C1QTNF3: variants seen among roughly 807,000 people sequenced by gnomAD.
C1QTNF3 encodes the protein complement C1q tumor necrosis factor-related protein 3.
A neutral mutation model predicts 32.6 loss-of-function variants in C1QTNF3; 26 were observed. The ratio of observed to expected loss-of-function variants is 0.80; its 90% CI spans 0.58 to 1.11. C1QTNF3 has a LOEUF of 1.11. Ranked by LOEUF, C1QTNF3 falls within the 50% of genes least tolerant of loss-of-function variation. C1QTNF3 has a pLI of 0.00. For synonymous variants in C1QTNF3, 155 were observed against 146.0 expected (o/e 1.06, Z -0.44); for missense variants, 362 against 398.2 (o/e 0.91, Z 0.77).
At chr5:34,111,947 A>C in the C1QTNF3 span, among the ~76,000 whole-genome samples, 14 of 152,204 alleles carry the variant, frequency 9.2e-5, no homozygotes, top group Non-Finnish European at 1.8e-4. Flanking sequence ...AGGGAGGCTG[A>C]GAAGTACAGT....
chr5:34,020,642 G>A lies in C1QTNF3; in HGVS notation c.901C>T (p.His301Tyr). 1 of 1,614,216 alleles carries A rather than the reference G, an allele frequency of 6.2e-7. No homozygotes were observed. Among genetic ancestry groups the A allele is most frequent in the Non-Finnish European group, 8.5e-7 (1 of 1,180,040 alleles). Residue 301 changes from histidine (H) to tyrosine (Y), a missense_variant, in exon 6 of 6, where the codon CAT becomes TAT. By Grantham distance (83) the His-to-Tyr change is moderately conservative. Transcript: ENST00000382065. ...VWLRMGNGAL[H>Y]GDHQRFSTFA... is the part of the protein sequence containing the mutation. ...GTGGAGAAGCGTTGGTGGTCCCCAT[G>A]GAGAGCGCCATTGCCCATTCGCAGC...
At chr5:34,175,060 T>C in the C1QTNF3 span, among the ~76,000 whole-genome samples, 1 of 147,350 alleles carries the variant, frequency 6.8e-6, no homozygotes, top group Non-Finnish European at 1.5e-5. Context: ...TTTTTTTTTT[T>C]TAAAGACAGG....
chr5:34,042,253 C>G (rs1754887470), intron 1 of C1QTNF3, among the ~76,000 whole-genome samples: 1 of 151,774 alleles, frequency 6.6e-6, no homozygotes, highest in South Asian at 2.1e-4. Context: ...TTTTATTTAA[C>G]TCTTTAATTC....
chr5:34,114,763 C>T, the C1QTNF3 span, among the ~76,000 whole-genome samples: 7 of 152,060 alleles, frequency 4.6e-5, no homozygotes, highest in East Asian at 1.9e-4. Context: ...TTGTGAGCAA[C>T]GTAAAATATT....
the C1QTNF3 span, among the ~76,000 whole-genome samples, chr5:34,226,047 A>G: frequency 1.4e-4 from 22 of 151,990 alleles, no homozygotes; most frequent in Non-Finnish European, 2.9e-4. Flanking sequence ...ACTTTGAAAA[A>G]TGGTAACAAA....
the C1QTNF3 span, among the ~76,000 whole-genome samples, chr5:34,137,356 A>G: frequency 6.6e-6 from 1 of 152,180 alleles, no homozygotes; most frequent in Non-Finnish European, 1.5e-5. Context: ...CAAAAGCTTC[A>G]ATAGTCATGA....
chr5:34,234,171 T>C, the C1QTNF3 span, among the ~76,000 whole-genome samples: 4 of 152,176 alleles, frequency 2.6e-5, no homozygotes, highest in Non-Finnish European at 4.4e-5. Flanking sequence ...GTTTACTGTA[T>C]TATAATGCTA....
At chr5:34,023,194 C>G (rs1754383679) in intron 5 of C1QTNF3, among the ~76,000 whole-genome samples, 1 of 152,144 alleles carries the variant, frequency 6.6e-6, no homozygotes. Flanking sequence ...CTTTCATCAG[C>G]CTGGCTTCCT....
At chr5:34,237,627 A>G in the C1QTNF3 span, among the ~76,000 whole-genome samples, 1 of 152,280 alleles carries the variant, frequency 6.6e-6, no homozygotes, top group Admixed American at 6.5e-5. Context: ...CAAATTATGG[A>G]GTAAACCACC....
chr5:34,112,306 A>G, the C1QTNF3 span, among the ~76,000 whole-genome samples: 10 of 152,154 alleles, frequency 6.6e-5, no homozygotes, highest in African/African-American at 2.4e-4. Context: ...CAACCCCTTT[A>G]TATCCCATAC....
the C1QTNF3 span, among the ~76,000 whole-genome samples, chr5:34,212,036 G>A: frequency 6.6e-6 from 1 of 152,054 alleles, no homozygotes; most frequent in East Asian, 1.9e-4. Flanking sequence ...AAACAGCATG[G>A]TACTGGTACC....
At chr5:34,050,977 T>A in the C1QTNF3 span, among the ~76,000 whole-genome samples, 1 of 152,184 alleles carries the variant, frequency 6.6e-6, no homozygotes, top group African/African-American at 2.4e-5. Flanking sequence ...AAATAAAATA[T>A]GACTAGATTC....
chr5:34,071,411 T>C, the C1QTNF3 span, among the ~76,000 whole-genome samples: 3 of 152,186 alleles, frequency 2.0e-5, no homozygotes, highest in African/African-American at 7.2e-5. Context: ...TAGATGTTTT[T>C]CCCACTATCA....
the C1QTNF3 span, among the ~76,000 whole-genome samples, chr5:34,119,171 T>C: frequency 4.6e-5 from 7 of 152,216 alleles, no homozygotes; most frequent in African/African-American, 1.7e-4. Context: ...GAATATTCTT[T>C]TAAAAAAACA....
chr5:34,132,591 T>G, the C1QTNF3 span, among the ~76,000 whole-genome samples: 1 of 152,018 alleles, frequency 6.6e-6, no homozygotes, highest in East Asian at 1.9e-4. Flanking sequence ...GCCTGTATAC[T>G]TATACCAAAA....
chr5:34,058,320 G>C, the C1QTNF3 span, among the ~76,000 whole-genome samples: 1 of 152,112 alleles, frequency 6.6e-6, no homozygotes, highest in East Asian at 1.9e-4. Flanking sequence ...TCACTTGAAG[G>C]TTGCTGATTT....
chr5:34,133,541 G>A, the C1QTNF3 span, among the ~76,000 whole-genome samples: 1 of 152,172 alleles, frequency 6.6e-6, no homozygotes, highest in Non-Finnish European at 1.5e-5. Context: ...TCCTAATGGA[G>A]CTTCTAACAC....
chr5:34,036,326 A>G (rs528367818), intron 1 of C1QTNF3, among the ~76,000 whole-genome samples: 3 of 152,210 alleles, frequency 2.0e-5, no homozygotes, highest in Non-Finnish European at 4.4e-5. Context: ...GAAGGAAATA[A>G]AGTATTTTTT....
chr5:34,131,561 T>C, the C1QTNF3 span, among the ~76,000 whole-genome samples: 8 of 151,988 alleles, frequency 5.3e-5, no homozygotes, highest in Non-Finnish European at 1.2e-4. Flanking sequence ...CACTCATATG[T>C]GGAAACTAAA....
Sources: allele counts gnomAD v4.1 joint callset (sites outside exome capture counted in the v4.1 genomes callset), GRCh38; gene constraint gnomAD v4.1.1; transcripts MANE v1.5; gene names NCBI Gene and HGNC (gene_info 2026-07-23, HGNC 2026-07-21).